The following CCDC141 variants were observed in gnomAD, a reference collection of about 807,000 sequenced individuals.
The protein encoded by CCDC141 is coiled-coil domain containing 141, also known as coiled-coil domain-containing protein 141.
CCDC141 carries 168 observed loss-of-function variants against 181.0 expected under a neutral mutation model. The ratio of observed to expected loss-of-function variants is 0.93; its 90% CI spans 0.82 to 1.05. The LOEUF is 1.05. CCDC141 is among the 50% of genes least tolerant of loss of function. The probability of loss-of-function intolerance (pLI) is 0.00; values close to 1 mark genes in which losing one functional copy is unlikely to be tolerated. For synonymous variants in CCDC141, 666 were observed against 642.3 expected (o/e 1.04, Z -0.56); for missense variants, 1,902 against 1,788.5 (o/e 1.06, Z -1.14).
intron 4 of CCDC141, among the ~76,000 whole-genome samples, chr2:178,970,150 T>C (rs375201254): frequency 1.3e-5 from 2 of 152,220 alleles, no homozygotes; most frequent in Admixed American, 6.5e-5. Context: ...AAACATCCCA[T>C]GCTCACGGAT....
rs76737882 is a variant in CCDC141 at position 178,944,286 on chromosome 2, C to T, written c.897+249G>A. 2.0e-3 allele frequency among the ~76,000 whole-genome samples: 300 copies of T among 152,210 alleles called. 1 individual carries two copies. Among genetic ancestry groups the T allele is most frequent in the African/African-American group, 6.9e-3 (287 of 41,532 alleles). ...TGGATCTCATATACATACTATAGTGCCTGGCACATAGTAACTATTCAGAAA... is the reference window on the plus strand; with the variant it reads ...TGGATCTCATATACATACTATAGTGTCTGGCACATAGTAACTATTCAGAAA... On this transcript the variant is annotated intron_variant, in intron 6 of 23. Transcript: ENST00000443758.
Position 179,047,398 on chromosome 2 carries a change from T to C in CCDC141, c.111A>G (p.Lys37=). 2.0e-6 allele frequency: 3 copies of C among 1,509,624 alleles called. No individual in the cohort carries two copies. The highest frequency in any genetic ancestry group is 2.6e-5 in the South Asian group (2 of 75,782). The allele number at this position is 1,509,624 out of a possible 1,614,324, so 93.5% of individuals were successfully genotyped here. The change falls in exon 2 of 24, where the codon AAA becomes AAG. Residue 37 remains lysine (K), a synonymous_variant. Transcript: ENST00000443758. ...ATTCAGCCAGTTGAAGTTGTACCCA[T>C]TTGCCACACTAAAAATAAAAATTAA... ...KIVIAVIKCG[K]WVQLQLAESQ...
At chr2:178,936,043 G>A (rs1283527222) in intron 6 of CCDC141, among the ~76,000 whole-genome samples, 1 of 152,014 alleles carries the variant, frequency 6.6e-6, no homozygotes, top group Admixed American at 6.6e-5. Flanking sequence ...CCATTCTGTA[G>A]GTTGTCTGTT....
chr2:179,007,623 G>A (rs1053039109), intron 2 of CCDC141, among the ~76,000 whole-genome samples: 1 of 152,060 alleles, frequency 6.6e-6, no homozygotes, highest in Non-Finnish European at 1.5e-5. Context: ...AAATGGGTGA[G>A]GGTCAGAAAC....
In CCDC141 at chr2:178,837,588, G is replaced by T; in HGVS notation, c.3631C>A (p.Pro1211Thr). Residue 1211 changes from proline (P) to threonine (T), a missense_variant, in exon 23 of 24, where the codon CCT becomes ACT. Transcript: ENST00000443758. ...LSGEEYECVS[P>T]DDISLPPLPG... ...AGAGGAGGCAAGGAGATGTCATCAG[G>T]TGAGACACACTCATATTCTTCCCCT... 1.2e-6 allele frequency: 2 copies of T among 1,613,956 alleles called. No individual in the cohort carries two copies. Among genetic ancestry groups the T allele is most frequent in the South Asian group, 2.2e-5 (2 of 91,086 alleles).
rs146522206 is a variant in CCDC141, at chr2:178,962,813, C to T, written c.527-1330G>A. Among the ~76,000 whole-genome samples the T allele has an allele frequency of 1.0e-3, 152 of 152,240 alleles. 1 individual carries two copies. Among genetic ancestry groups the T allele is most frequent in the African/African-American group, 3.3e-3 (139 of 41,546 alleles). On this transcript the variant is annotated intron_variant, in intron 4 of 23. Coordinates refer to ENST00000443758, the MANE Select transcript of CCDC141 (RefSeq NM_173648.4). Reference sequence around the variant, plus strand: ...CTTCCTTTTCAAATTGTCTCAGTCTCTCCACTTTTCATTCTTATCTTCTTT... The same window carrying T: ...CTTCCTTTTCAAATTGTCTCAGTCTTTCCACTTTTCATTCTTATCTTCTTT...
chr2:178,899,702 C>A lies in CCDC141; in HGVS notation c.1265+5627G>T, dbSNP rs114656018. The stretch of plus-strand genomic sequence containing the variant: ...ATGAGTGTGGCTGGCACTCAGAAGT[C>A]TCAGAAGCTATTGTGATGTTCAACA... On this transcript the variant is annotated intron_variant, in intron 8 of 23. Transcript: ENST00000443758. Among the ~76,000 whole-genome samples the A allele has an allele frequency of 3.3e-3, 508 of 152,252 alleles. 5 individuals carry two copies. Among genetic ancestry groups the A allele is most frequent in the African/African-American group, 0.012 (492 of 41,568 alleles).
intron 16 of CCDC141, among the ~76,000 whole-genome samples, chr2:178,866,619 T>C (rs971749222): frequency 2.0e-4 from 30 of 152,378 alleles, no homozygotes; most frequent in Non-Finnish European, 4.1e-4. Context: ...ATTAATGTTA[T>C]ACCTATTGTT....
Position 178,837,245 on chromosome 2 carries a change from C to G in CCDC141, c.3974G>C (p.Ser1325Thr). ...CTGTAAAGCTCTCTCATGCACTTCA[C>G]TCATCATGCTCTCTGGATGTTCAGC... ...ISAEHPESMM[S>T]EVHERALQQH... Residue 1325 changes from serine to threonine, a missense_variant, in exon 23 of 24, where the codon AGT becomes ACT. By Grantham distance (58) the Ser-to-Thr change is moderately conservative. Transcript: ENST00000443758. 6.2e-7 allele frequency: 1 copy of G among 1,614,114 alleles called. No homozygotes were observed. The highest frequency in any genetic ancestry group is 1.3e-5 in the African/African-American group (1 of 75,056).
intron 2 of CCDC141, among the ~76,000 whole-genome samples, chr2:178,993,559 G>T (rs1332158582): frequency 2.0e-5 from 3 of 152,128 alleles, no homozygotes; most frequent in Non-Finnish European, 2.9e-5. Context: ...GATGAGATTT[G>T]GGTGGGGACA....
chr2:178,916,465 CTTT>C (rs1028479688), intron 7 of CCDC141, among the ~76,000 whole-genome samples: 84 of 151,814 alleles, frequency 5.5e-4, no homozygotes, highest in African/African-American at 2.0e-3. Context: ...GAGTTTTCTT[CTTT>C]GAGTAGATTT....
chr2:179,003,205 G>A (rs780163989), intron 2 of CCDC141, among the ~76,000 whole-genome samples: 8 of 152,284 alleles, frequency 5.3e-5, no homozygotes, highest in Non-Finnish European at 8.8e-5. Flanking sequence ...CATGTATAAA[G>A]ATTATGTTTT....
At chr2:178,970,980 C>T (rs979765742) in intron 4 of CCDC141, among the ~76,000 whole-genome samples, 10 of 152,152 alleles carry the variant, frequency 6.6e-5, no homozygotes, top group South Asian at 2.1e-4. Flanking sequence ...GAGGCTGAGG[C>T]GGGCAGATCA....
intron 2 of CCDC141, among the ~76,000 whole-genome samples, chr2:179,046,684 A>T (rs146501390): frequency 1.7e-3 from 265 of 152,298 alleles, no homozygotes; most frequent in South Asian, 0.017. Flanking sequence ...CCAAATTTGT[A>T]TTTGCCCTGG....
chr2:178,959,875 C>T (rs1283939016), intron 5 of CCDC141, among the ~76,000 whole-genome samples: 1 of 152,198 alleles, frequency 6.6e-6, no homozygotes, highest in Non-Finnish European at 1.5e-5. Flanking sequence ...TTGACCAACA[C>T]ATGTCAAAAT....
chr2:179,011,044 G>C (rs1559045489), intron 2 of CCDC141, among the ~76,000 whole-genome samples: 2 of 152,036 alleles, frequency 1.3e-5, no homozygotes, highest in African/African-American at 2.4e-5. Flanking sequence ...TGTAATCCCA[G>C]CTTCTGGAGA....
At chr2:178,855,651 T>C in intron 18 of CCDC141, 110 bp from the exon 19 acceptor site, 1 of 594,308 alleles carries the variant, frequency 1.7e-6, no homozygotes, top group Admixed American at 3.7e-5. Context: ...TCCTCCAATC[T>C]ATTAAAATAA....
At chr2:178,997,716 A>G (rs1436579309) in intron 2 of CCDC141, among the ~76,000 whole-genome samples, 1 of 152,146 alleles carries the variant, frequency 6.6e-6, no homozygotes, top group Admixed American at 6.5e-5. Flanking sequence ...CAGTTTTCCA[A>G]TGGTGGGAAA....
At chr2:178,855,090 T>TC (rs1478471427) in intron 19 of CCDC141, among the ~76,000 whole-genome samples, 6 of 152,204 alleles carry the variant, frequency 3.9e-5, no homozygotes, top group African/African-American at 7.2e-5. Context: ...AAACAGGAAC[T>TC]CTCACACATT....
Sources: allele counts gnomAD v4.1 joint callset (sites outside exome capture counted in the v4.1 genomes callset), GRCh38; gene constraint gnomAD v4.1.1; transcripts MANE v1.5; gene names NCBI Gene and HGNC (gene_info 2026-07-23, HGNC 2026-07-21).